The following PRDM16 variants were observed in gnomAD, a reference collection of about 807,000 sequenced individuals.
PRDM16 encodes the protein histone-lysine N-methyltransferase PRDM16.
A neutral mutation model predicts 110.6 loss-of-function variants in PRDM16; 23 were observed. The ratio of observed to expected loss-of-function variants is 0.21; its 90% confidence interval spans 0.15 to 0.29. The LOEUF (loss-of-function observed/expected upper bound fraction) is 0.29. PRDM16 is among the 10% of genes least tolerant of loss of function. The pLI is 1.00. For synonymous variants in PRDM16, 799 were observed against 781.8 expected, an observed-to-expected ratio of 1.02 and a Z score of -0.37; for missense variants, 1,615 against 1,794.3, an observed-to-expected ratio of 0.90 and a Z score of 1.81.
At chr1:3,401,634 T>C (rs562818205) in intron 5 of PRDM16, among the ~76,000 whole-genome samples, 5 of 137,870 alleles carry the variant, frequency 3.6e-5, no homozygotes, top group African/African-American at 1.2e-4. Context: ...TTCACACACA[T>C]ATTCACATGC....
At chr1:3,150,841 C>A (rs991470691) in intron 1 of PRDM16, among the ~76,000 whole-genome samples, 2 of 146,980 alleles carry the variant, frequency 1.4e-5, no homozygotes, top group East Asian at 4.2e-4. Context: ...AAGCACAGAG[C>A]TGCAAGAGCT....
intron 1 of PRDM16, among the ~76,000 whole-genome samples, chr1:3,132,215 C>G (rs566625673): frequency 2.0e-5 from 3 of 152,258 alleles, no homozygotes; most frequent in South Asian, 4.2e-4. Flanking sequence ...ACGGCGGTGC[C>G]ACGGAGAGGA....
At chr1:3,322,415 G>A (rs1298876774) in intron 3 of PRDM16, among the ~76,000 whole-genome samples, 2 of 152,122 alleles carry the variant, frequency 1.3e-5, no homozygotes, top group Non-Finnish European at 2.9e-5. Flanking sequence ...AAACAATTGA[G>A]CCTCCTGGGC....
chr1:3,141,349 C>T (rs1414894795), intron 1 of PRDM16, among the ~76,000 whole-genome samples: 3 of 152,210 alleles, frequency 2.0e-5, no homozygotes, highest in Non-Finnish European at 2.9e-5. Context: ...TGACTGGTGC[C>T]TGCAATTTGC....
At chr1:3,233,042 A>C (rs1639451893) in intron 2 of PRDM16, among the ~76,000 whole-genome samples, 1 of 152,250 alleles carries the variant, frequency 6.6e-6, no homozygotes, top group African/African-American at 2.4e-5. Context: ...AAAAGGGTTG[A>C]GATAAAAGAT....
intron 3 of PRDM16, among the ~76,000 whole-genome samples, chr1:3,348,236 G>T (rs1274569173): frequency 6.6e-6 from 1 of 152,216 alleles, no homozygotes; most frequent in Non-Finnish European, 1.5e-5. Context: ...GATGAGGCTC[G>T]CTGGCTCAGC....
intron 3 of PRDM16, among the ~76,000 whole-genome samples, chr1:3,345,901 TC>T (rs970958278): frequency 1.3e-5 from 2 of 151,896 alleles, no homozygotes; most frequent in African/African-American, 4.8e-5. Context: ...AGCTACACAG[TC>T]CCCCCACCCT....
intron 2 of PRDM16, among the ~76,000 whole-genome samples, chr1:3,231,483 G>A (rs543928673): frequency 2.7e-3 from 268 of 100,592 alleles, no homozygotes; most frequent in African/African-American, 8.0e-3. Flanking sequence ...AGATGAGGGC[G>A]TCGAGGCTGC....
intron 1 of PRDM16, among the ~76,000 whole-genome samples, chr1:3,122,209 C>T (rs1209417369): frequency 6.6e-6 from 1 of 152,102 alleles, no homozygotes; most frequent in Non-Finnish European, 1.5e-5. Context: ...GCCTCCCGTG[C>T]AGTGCTGGGA....
At chr1:3,113,583 C>T (rs1557455102) in intron 1 of PRDM16, among the ~76,000 whole-genome samples, 1 of 152,174 alleles carries the variant, frequency 6.6e-6, no homozygotes, top group Non-Finnish European at 1.5e-5. Context: ...CTGGCCTTGG[C>T]GTCACTGACA....
At position 3,279,115 on chromosome 1, in the gene PRDM16, A is replaced by G. The variant is rs1218725534; in HGVS notation, c.438+34978A>G. Among the ~76,000 whole-genome samples, 5 of 152,334 alleles carry G rather than the reference A, an allele frequency of 3.3e-5. No homozygotes were observed. The East Asian group carries it at 9.6e-4, about 29-fold the overall frequency. ...GATGCAGAAGCTGCCACCAATAGCC[A>G]CGTGGGCAGCTGTGGCCCCGAGTCC... is the stretch of plus-strand genomic sequence containing the variant. On this transcript the variant is annotated intron_variant, in intron 3 of 16. Coordinates refer to ENST00000270722, the MANE Select transcript of PRDM16 (RefSeq NM_022114.4).
rs562403717 is a variant in PRDM16 at position 3,347,105 on chromosome 1, C to T, written c.439-38047C>T. Among the ~76,000 whole-genome samples the T allele has an allele frequency of 2.6e-5, 4 of 152,272 alleles. No individual in the cohort carries two copies. In the East Asian group the frequency reaches 5.8e-4, roughly 22 times the overall value. The stretch of plus-strand genomic sequence containing the variant: ...AGGAAACCCAGGTGCCCAGTCTTTC[C>T]GGGGAGGGTGGAGGGGGTCAGTGTA... On this transcript the variant is annotated intron_variant, in intron 3 of 16. Coordinates refer to ENST00000270722, the MANE Select transcript of PRDM16 (RefSeq NM_022114.4).
chr1:3,296,524 G>A (rs1641093802), intron 3 of PRDM16, among the ~76,000 whole-genome samples: 1 of 152,236 alleles, frequency 6.6e-6, no homozygotes. Context: ...TCGTGTTGCT[G>A]TTTGATGTGC....
intron 3 of PRDM16, among the ~76,000 whole-genome samples, chr1:3,294,234 C>A (rs1641038494): frequency 6.6e-6 from 1 of 152,120 alleles, no homozygotes; most frequent in African/African-American, 2.4e-5. Flanking sequence ...GTATAAAGAG[C>A]TTCTCTTGGG....
intron 2 of PRDM16, among the ~76,000 whole-genome samples, chr1:3,204,034 G>T (rs1638693261): frequency 6.6e-6 from 1 of 152,224 alleles, no homozygotes; most frequent in South Asian, 2.1e-4. Flanking sequence ...CCGGGATTAG[G>T]AAGGGAGGTG....
In PRDM16 at chr1:3,190,775, G is replaced by A. The variant is rs1046273819; in HGVS notation, c.387+4301G>A. Among the ~76,000 whole-genome samples, 13 of 152,246 alleles carry A rather than the reference G, an allele frequency of 8.5e-5. No individual in the cohort carries two copies. Among genetic ancestry groups the A allele is most frequent in the African/African-American group, 2.4e-4 (10 of 41,462 alleles). ...TCACCCGTGAGCGCATTTGCTCGCCGTGGGGTCTGCAAAAACAATGATTTT... is the reference window on the plus strand; with the variant it reads ...TCACCCGTGAGCGCATTTGCTCGCCATGGGGTCTGCAAAAACAATGATTTT... On this transcript the variant is annotated intron_variant, in intron 2 of 16. Coordinates refer to ENST00000270722, the MANE Select transcript of PRDM16 (RefSeq NM_022114.4). This position sits in a 1 kb window ranked among gnomAD's most constrained non-coding sequence, Gnocchi z 5.0.
At chr1:3,158,791 T>A (rs1643877124) in intron 1 of PRDM16, among the ~76,000 whole-genome samples, 1 of 151,292 alleles carries the variant, frequency 6.6e-6, no homozygotes, top group Non-Finnish European at 1.5e-5. Flanking sequence ...TTTTTTTTTT[T>A]GAGACAGAGT....
intron 3 of PRDM16, among the ~76,000 whole-genome samples, chr1:3,349,982 A>AGGAG (rs1213650144): frequency 6.6e-6 from 1 of 151,256 alleles, no homozygotes; most frequent in Non-Finnish European, 1.5e-5. Flanking sequence ...TGAGCCCTGG[A>AGGAG]GGAGACAGCA....
chr1:3,097,914 C>T (rs1642444416), intron 1 of PRDM16, among the ~76,000 whole-genome samples: 1 of 152,140 alleles, frequency 6.6e-6, no homozygotes, highest in Non-Finnish European at 1.5e-5. Flanking sequence ...AGGCAGAATT[C>T]TGCCATGCCT....
Sources: gnomAD v4.1 joint callset for allele counts (sites outside exome capture counted in the v4.1 genomes callset) on GRCh38, gnomAD v4.1.1 for gene constraint, Gnocchi (gnomAD v3.1) non-coding constraint, MANE v1.5 for transcripts, NCBI Gene and HGNC (gene_info 2026-07-23, HGNC 2026-07-21) for gene names.